NIN: variants seen among roughly 807,000 people sequenced by gnomAD.
The protein encoded by NIN is glycogen synthase kinase 3 beta-interacting protein.
In NIN, 137 loss-of-function variants were observed where a neutral mutation model predicts 257.6. The ratio of observed to expected loss-of-function variants is 0.53; its 90% CI spans 0.46 to 0.61. NIN has a LOEUF of 0.61. NIN is among the 20% of genes least tolerant of loss of function. The probability of loss-of-function intolerance (pLI) is 0.00; values close to 1 mark genes in which losing one functional copy is unlikely to be tolerated. For synonymous variants in NIN, 918 were observed against 919.8 expected, an observed-to-expected ratio of 1.00 and a Z score of 0.04; for missense variants, 2,439 against 2,501.2, an observed-to-expected ratio of 0.98 and a Z score of 0.53.
At chr14:50,783,379 T>C (rs1371648153) in intron 5 of NIN, among the ~76,000 whole-genome samples, 7 of 152,154 alleles carry the variant, frequency 4.6e-5, no homozygotes, top group Non-Finnish European at 1.5e-5. Context: ...TTTAAAGTCT[T>C]CTGGGAGTAG....
intron 3 of NIN, among the ~76,000 whole-genome samples, chr14:50,810,132 G>A (rs1036599016): frequency 1.3e-5 from 2 of 151,656 alleles, no homozygotes; most frequent in Non-Finnish European, 2.9e-5. Context: ...TCGGGAGGCT[G>A]AGGCAGGAGA....
intron 5 of NIN, among the ~76,000 whole-genome samples, chr14:50,788,322 G>A (rs1370521550): frequency 6.6e-6 from 1 of 152,206 alleles, no homozygotes; most frequent in Admixed American, 6.5e-5. Flanking sequence ...TCGCTTGTAA[G>A]TAATGAAGCC....
intron 2 of NIN, among the ~76,000 whole-genome samples, chr14:50,826,752 C>T (rs1045312824): frequency 1.3e-5 from 2 of 152,288 alleles, no homozygotes; most frequent in East Asian, 3.9e-4. Flanking sequence ...CAAGTGAAAA[C>T]CAAGTAATAA....
intron 2 of NIN, among the ~76,000 whole-genome samples, chr14:50,826,425 C>A (rs896697554): frequency 1.3e-5 from 2 of 152,118 alleles, no homozygotes. Context: ...CAATAACCAC[C>A]CATAATGACA....
intron 16 of NIN, 98 bp from the exon 17 acceptor site, chr14:50,760,457 T>G: frequency 3.9e-6 from 4 of 1,031,738 alleles, no homozygotes; most frequent in Non-Finnish European, 5.5e-6. Flanking sequence ...TTTTTTTTTT[T>G]TCCCTACAAG....
At chr14:50,771,511 A>AT in intron 9 of NIN, 43 bp from the exon 10 acceptor site, 1 of 1,605,622 alleles carries the variant, frequency 6.2e-7, no homozygotes, top group Non-Finnish European at 8.5e-7. Flanking sequence ...CAAATCACTC[A>AT]TTCCATCCTC....
rs181931109 is a variant in NIN at position 50,794,292 on chromosome 14, T to G, written c.266-1411A>C. The G allele has an allele frequency of 2.0e-5, 3 of 153,804 alleles. No individual in the cohort carries two copies. In the Admixed American group the frequency reaches 2.0e-4, roughly 10 times the overall value. The allele number at this position is 153,804 out of a possible 1,614,324, so 9.5% of individuals were successfully genotyped here. Reference sequence around the variant, plus strand: ...AAAGCTCAGAGTGAAGTATTTATGGTAGCTATATAATTTCTAGTGATATTT... The same window carrying G: ...AAAGCTCAGAGTGAAGTATTTATGGGAGCTATATAATTTCTAGTGATATTT... On this transcript the variant is annotated intron_variant, in intron 4 of 30. Transcript: ENST00000530997.
intron 4 of NIN, among the ~76,000 whole-genome samples, chr14:50,797,609 C>A (rs1265110168): frequency 1.3e-5 from 2 of 152,206 alleles, no homozygotes; most frequent in Admixed American, 6.5e-5. Context: ...CTACATCCCA[C>A]CTCCTCGCCT....
chr14:50,806,426 T>C (rs904961229), intron 4 of NIN: 1 of 208,300 alleles, frequency 4.8e-6, no homozygotes, highest in Admixed American at 5.9e-5. Flanking sequence ...TCCTTCCATG[T>C]ACAAGGAAAC....
At chr14:50,771,858 G>A (rs1024615646) in intron 9 of NIN, 10 of 188,568 alleles carry the variant, frequency 5.3e-5, no homozygotes, top group Non-Finnish European at 9.9e-5. Flanking sequence ...GGTGGTGTGC[G>A]CCTGTAGTCC....
intron 14 of NIN, among the ~76,000 whole-genome samples, chr14:50,764,165 CAAT>C (rs1238071595): frequency 2.0e-5 from 3 of 152,026 alleles, no homozygotes; most frequent in Non-Finnish European, 4.4e-5. Context: ...TATTATAGCT[CAAT>C]AATAAGACAA....
In NIN at chr14:50,757,797, A is replaced by G; in HGVS notation, c.3233T>C (p.Val1078Ala). 1.2e-6 allele frequency: 2 copies of G among 1,614,012 alleles called. No individual in the cohort carries two copies. Among genetic ancestry groups the G allele is most frequent in the Non-Finnish European group, 1.7e-6 (2 of 1,180,002 alleles). ...AGTAGCCATTTTCACATTTTCCTTC[A>G]CTGCCTGTTCATGAGCTCTCTGCAG... ...LSLQRAHEQA[V>A]KENVKMATEI... The change falls in exon 18 of 31, where the codon GTG becomes GCG. Residue 1078 changes from valine (V) to alanine (A), a missense_variant. Around this residue, in one of 3 missense-constraint regions of NIN, gnomAD observed 2,043 missense variants for 2,050.2 expected, o/e 1.00. Transcript: ENST00000530997.
At chr14:50,733,859 TG>T (rs1438367381) in intron 28 of NIN, among the ~76,000 whole-genome samples, 2 of 152,144 alleles carry the variant, frequency 1.3e-5, no homozygotes, top group African/African-American at 2.4e-5. Flanking sequence ...AAAGAAAAAA[TG>T]GTTTAGACTT....
chr14:50,811,886 C>T lies in NIN; in HGVS notation c.184-5068G>A, dbSNP rs554494329. Among the ~76,000 whole-genome samples the T allele has an allele frequency of 9.3e-5, 14 of 151,238 alleles. No individual in the cohort carries two copies. The East Asian group carries it at 2.5e-3, about 27-fold the overall frequency. Reference sequence around the variant, plus strand: ...GCGGGCGCCTGTAGTCCCAGCTACTCGGGAGGCTGAAGCAGGAGAATGGTG... The same window carrying T: ...GCGGGCGCCTGTAGTCCCAGCTACTTGGGAGGCTGAAGCAGGAGAATGGTG... On this transcript the variant is annotated intron_variant, in intron 3 of 30. Transcript: ENST00000530997.
chr14:50,793,310 G>A (rs1168051758), intron 4 of NIN, among the ~76,000 whole-genome samples: 4 of 151,928 alleles, frequency 2.6e-5, no homozygotes, highest in Non-Finnish European at 5.9e-5. Flanking sequence ...TGTATACTCA[G>A]TATCCACATC....
upstream of NIN, chr14:50,831,171 G>A (rs2045690216): frequency 6.6e-6 from 1 of 150,852 alleles, no homozygotes; most frequent in Non-Finnish European, 1.5e-5. Context: ...CCGGGCCCGC[G>A]CGGGGAGGAG....
chr14:50,786,972 T>C (rs2043373810), intron 5 of NIN, among the ~76,000 whole-genome samples: 1 of 152,220 alleles, frequency 6.6e-6, no homozygotes, highest in South Asian at 2.1e-4. Flanking sequence ...CAGTTTGTCT[T>C]TTTTTAAGCT....
At chr14:50,799,065 T>C (rs1402001249) in intron 4 of NIN, among the ~76,000 whole-genome samples, 1 of 152,186 alleles carries the variant, frequency 6.6e-6, no homozygotes, top group Non-Finnish European at 1.5e-5. Context: ...CCCAATTTCA[T>C]AATAACCATA....
At chr14:50,754,426 T>C (rs2041933239) in intron 20 of NIN, 137 bp downstream of exon 20, 1 of 704,278 alleles carries the variant, frequency 1.4e-6, no homozygotes, top group Non-Finnish European at 2.3e-6. Flanking sequence ...AAGTTTCCAT[T>C]TTCAAATTCA....
Sources: allele counts gnomAD v4.1 joint callset (sites outside exome capture counted in the v4.1 genomes callset), GRCh38; gene constraint gnomAD v4.1.1; regional missense constraint gnomAD v4.1.1; transcripts MANE v1.5; gene names NCBI Gene and HGNC (gene_info 2026-07-23, HGNC 2026-07-21).